LBHD2: variants seen among roughly 807,000 people sequenced by gnomAD.
The protein encoded by LBHD2 is LBH domain containing 2.
intron 3 of LBHD2, among the ~76,000 whole-genome samples, chr14:103,089,418 C>A (rs1889680341): frequency 6.6e-6 from 1 of 152,084 alleles, no homozygotes; most frequent in South Asian, 2.1e-4. Flanking sequence ...CTCGGGTAAC[C>A]CCTGGGACTT....
intron 3 of LBHD2, among the ~76,000 whole-genome samples, chr14:103,089,296 C>A (rs1310426037): frequency 6.6e-6 from 1 of 152,162 alleles, no homozygotes; most frequent in Non-Finnish European, 1.5e-5. Context: ...CCAGAAAACC[C>A]CCTTTTCATT....
intron 3 of LBHD2, among the ~76,000 whole-genome samples, 198 bp downstream of exon 3, chr14:103,088,439 G>A (rs1250961736): frequency 6.6e-6 from 1 of 152,208 alleles, no homozygotes; most frequent in Non-Finnish European, 1.5e-5. Flanking sequence ...CCCTAGCACC[G>A]TCCTCCCTCC....
At chr14:103,088,288 T>TG (rs934659537) in intron 3 of LBHD2, 47 bp downstream of exon 3, 118 of 398,730 alleles carry the variant, frequency 3.0e-4, no homozygotes, top group African/African-American at 2.3e-3. Context: ...AAGTGGCCAC[T>TG]GCCAGGGTCA....
intron 2 of LBHD2, among the ~76,000 whole-genome samples, chr14:103,087,852 G>A (rs1566940515): frequency 6.6e-6 from 1 of 152,194 alleles, no homozygotes; most frequent in Non-Finnish European, 1.5e-5. Flanking sequence ...GGTGCCTCCT[G>A]AGAGCTGTGA....
At chr14:103,086,427 T>C (rs1025526642) in intron 2 of LBHD2, among the ~76,000 whole-genome samples, 4 of 152,192 alleles carry the variant, frequency 2.6e-5, no homozygotes, top group African/African-American at 9.6e-5. Flanking sequence ...GCCAGGCTGG[T>C]TTCCAACTCC....
intron 1 of LBHD2, among the ~76,000 whole-genome samples, chr14:103,085,704 C>A (rs571352399): frequency 2.6e-4 from 40 of 152,358 alleles, no homozygotes; most frequent in African/African-American, 8.9e-4. Context: ...TCCTGCTCAC[C>A]TCTCAGGCCT....
chr14:103,088,014 C>T, intron 2 of LBHD2, 71 bp from the exon 3 acceptor site: 2 of 398,320 alleles, frequency 5.0e-6, no homozygotes, highest in East Asian at 7.1e-5. Context: ...GGGCAGTGTG[C>T]AGGACAGGGG....
At chr14:103,085,455 CAG>C (rs1889620577) in intron 1 of LBHD2, among the ~76,000 whole-genome samples, 1 of 46,934 alleles carries the variant, frequency 2.1e-5, no homozygotes, top group African/African-American at 1.1e-4. Context: ...CGGCCAAGTG[CAG>C]GGGCAGGACT....
chr14:103,089,890 G>T lies in LBHD2; in HGVS notation c.*93G>T. Reference sequence around the variant, plus strand: ...TGCACAGGAGGGCCGGGCCTGCCCAGCCTGGAAAGCCCAGAGGCTGCTTCC... The same window carrying T: ...TGCACAGGAGGGCCGGGCCTGCCCATCCTGGAAAGCCCAGAGGCTGCTTCC... On this transcript the variant is annotated 3_prime_UTR_variant, in exon 4 of 4. Coordinates refer to ENST00000634353, the MANE Select transcript of LBHD2 (RefSeq NM_001330236.2). The T allele has an allele frequency of 2.5e-6, 1 of 397,894 alleles. No homozygotes were observed. Among genetic ancestry groups the T allele is most frequent in the Non-Finnish European group, 4.4e-6 (1 of 225,830 alleles). 24.6% of individuals were successfully genotyped at this position (397,894 alleles called of 1,614,324 possible).
At chr14:103,086,716 A>T (rs1253509620) in intron 2 of LBHD2, among the ~76,000 whole-genome samples, 2 of 151,894 alleles carry the variant, frequency 1.3e-5, no homozygotes, top group African/African-American at 4.8e-5. Context: ...AAACTAAAAA[A>T]AAAAAAACAA....
intron 2 of LBHD2, 68 bp from the exon 3 acceptor site, chr14:103,088,017 G>C (rs1755433620): frequency 2.5e-6 from 1 of 398,402 alleles, no homozygotes; most frequent in Non-Finnish European, 4.4e-6. Flanking sequence ...CAGTGTGCAG[G>C]ACAGGGGTAG....
intron 1 of LBHD2, among the ~76,000 whole-genome samples, chr14:103,085,607 C>T (rs892554711): frequency 5.9e-5 from 9 of 152,228 alleles, no homozygotes; most frequent in African/African-American, 2.2e-4. Context: ...GTCTCAGGAA[C>T]GTTTAGGTCC....
At position 103,090,007 on chromosome 14, in the gene LBHD2, A is replaced by T; in HGVS notation, c.*210A>T. ...CGCTTTGTTCCGTGGTTTGAAGCAGAAATAAAGGCACTTCCTGGTGGCCAG... is the reference window on the plus strand; with the variant it reads ...CGCTTTGTTCCGTGGTTTGAAGCAGTAATAAAGGCACTTCCTGGTGGCCAG... On this transcript the variant is annotated 3_prime_UTR_variant, in exon 4 of 4. Coordinates refer to ENST00000634353, the MANE Select transcript of LBHD2 (RefSeq NM_001330236.2). The T allele has an allele frequency of 2.6e-6, 1 of 391,942 alleles. No individual in the cohort carries two copies. The highest frequency in any genetic ancestry group is 4.5e-6 in the Non-Finnish European group (1 of 222,186). 24.3% of individuals were successfully genotyped at this position (391,942 alleles called of 1,614,324 possible). A position where few individuals can be genotyped will look rare whatever the true frequency, so the allele number is the denominator to read the frequency against.
intron 3 of LBHD2, among the ~76,000 whole-genome samples, chr14:103,089,384 C>A (rs1889679525): frequency 1.3e-5 from 2 of 152,170 alleles, no homozygotes; most frequent in South Asian, 4.1e-4. Flanking sequence ...TGCCCAGGGC[C>A]CAGGACAGCA....
In LBHD2 at chr14:103,089,936, G is replaced by A. The variant is rs548823433; in HGVS notation, c.*139G>A. On this transcript the variant is annotated 3_prime_UTR_variant, in exon 4 of 4. Transcript: ENST00000634353. Reference sequence around the variant, plus strand: ...CTTCCTGTGTCACAGGGTCTGGACCGCAGCCCTGCCCTCTTCTGCCCATGG... The same window carrying A: ...CTTCCTGTGTCACAGGGTCTGGACCACAGCCCTGCCCTCTTCTGCCCATGG... The A allele has an allele frequency of 7.6e-6, 3 of 396,474 alleles. No homozygotes were observed. Among genetic ancestry groups the A allele is most frequent in the East Asian group, 7.1e-5 (2 of 27,996 alleles). The allele number at this position is 396,474 out of a possible 1,614,324, so 24.6% of individuals were successfully genotyped here. A position where few individuals can be genotyped will look rare whatever the true frequency, so the allele number is the denominator to read the frequency against.
intron 2 of LBHD2, among the ~76,000 whole-genome samples, chr14:103,087,306 G>A (rs1889647800): frequency 6.6e-6 from 1 of 152,220 alleles, no homozygotes; most frequent in Non-Finnish European, 1.5e-5. Context: ...CCCCTGCTGC[G>A]TGGCTGTCCT....
chr14:103,087,065 G>A (rs941181146), intron 2 of LBHD2, among the ~76,000 whole-genome samples: 24 of 152,270 alleles, frequency 1.6e-4, no homozygotes, highest in Non-Finnish European at 2.8e-4. Flanking sequence ...GGCAATGCCA[G>A]CATGAGGGTG....
intron 1 of LBHD2, among the ~76,000 whole-genome samples, chr14:103,085,069 T>A (rs535476587): frequency 1.8e-4 from 28 of 152,196 alleles, no homozygotes; most frequent in African/African-American, 6.7e-4. Flanking sequence ...CTGACCTGAG[T>A]GGGGTGTTTG....
chr14:103,088,623 G>A (rs1889666874), intron 3 of LBHD2, among the ~76,000 whole-genome samples: 1 of 152,262 alleles, frequency 6.6e-6, no homozygotes. Context: ...GGGAGGCTGT[G>A]AGCCTACAGG....
Sources: allele counts gnomAD v4.1 joint callset (sites outside exome capture counted in the v4.1 genomes callset), GRCh38; gene constraint gnomAD v4.1.1; transcripts MANE v1.5; gene names NCBI Gene and HGNC (gene_info 2026-07-23, HGNC 2026-07-21).